The following OPCML variants were observed in gnomAD, a reference collection of about 807,000 sequenced individuals.
OPCML encodes opioid binding protein/cell adhesion molecule like, also known as opioid-binding protein/cell adhesion molecule.
Under a neutral mutation model 37.8 loss-of-function variants are expected in OPCML, and 13 were observed. The ratio of observed to expected loss-of-function variants is 0.34; its 90% CI spans 0.22 to 0.55. The LOEUF is 0.55. Among genes scored for constraint, OPCML ranks in the 20% least tolerant of loss-of-function variants. The pLI is 0.91. For missense variants in OPCML, 341 were observed against 435.6 expected, an observed-to-expected ratio of 0.78 and a Z score of 1.93; for synonymous variants, 176 against 168.8, an observed-to-expected ratio of 1.04 and a Z score of -0.33.
intron 1 of OPCML, among the ~76,000 whole-genome samples, chr11:133,345,629 T>G (rs2136680092): frequency 6.6e-6 from 1 of 152,376 alleles, no homozygotes; most frequent in African/African-American, 2.4e-5. Flanking sequence ...AATGTTCTTT[T>G]TTTGCACTAA....
At chr11:132,631,424 T>C (rs1362307188) in intron 3 of OPCML, among the ~76,000 whole-genome samples, 1 of 148,566 alleles carries the variant, frequency 6.7e-6, no homozygotes, top group East Asian at 2.0e-4. Flanking sequence ...CTCCCTAGGT[T>C]TTAGGAAATA....
chr11:132,566,024 C>G (rs1270220237), intron 3 of OPCML, among the ~76,000 whole-genome samples: 1 of 152,156 alleles, frequency 6.6e-6, no homozygotes, highest in African/African-American at 2.4e-5. Flanking sequence ...CAGAGCGAGA[C>G]TCCGTCTCAA....
intron 4 of OPCML, among the ~76,000 whole-genome samples, chr11:132,519,168 G>A (rs2096286694): frequency 1.3e-5 from 2 of 152,304 alleles, no homozygotes; most frequent in South Asian, 4.1e-4. Flanking sequence ...ATAATTGTTT[G>A]TTGTAAGATG....
intron 4 of OPCML, among the ~76,000 whole-genome samples, chr11:132,451,952 G>T (rs2096069370): frequency 6.6e-6 from 1 of 152,014 alleles, no homozygotes; most frequent in Non-Finnish European, 1.5e-5. Flanking sequence ...GGATTTCTGT[G>T]CGGTACAGAG....
At chr11:132,780,422 C>T (rs1205966138) in intron 2 of OPCML, among the ~76,000 whole-genome samples, 1 of 152,168 alleles carries the variant, frequency 6.6e-6, no homozygotes, top group Admixed American at 6.5e-5. Flanking sequence ...GGTTGTTTTT[C>T]TATTCCTCAG....
chr11:133,518,330 T>G (rs1396131773), intron 1 of OPCML, among the ~76,000 whole-genome samples: 3 of 149,812 alleles, frequency 2.0e-5, no homozygotes, highest in Non-Finnish European at 4.4e-5. Flanking sequence ...TAAGTGTGTG[T>G]GTGTGGGTGT....
At chr11:133,029,104 T>C (rs933690249) in intron 1 of OPCML, among the ~76,000 whole-genome samples, 5 of 152,094 alleles carry the variant, frequency 3.3e-5, no homozygotes, top group Non-Finnish European at 7.4e-5. Context: ...CCAACAAGCA[T>C]ATGAAAAAAT....
chr11:133,394,475 G>A (rs1312549470), intron 1 of OPCML, among the ~76,000 whole-genome samples: 1 of 152,068 alleles, frequency 6.6e-6, no homozygotes, highest in Non-Finnish European at 1.5e-5. Flanking sequence ...TAGTCACCTT[G>A]TTGTACTGTC....
At chr11:133,478,296 C>A (rs1398250786) in intron 1 of OPCML, among the ~76,000 whole-genome samples, 1 of 152,168 alleles carries the variant, frequency 6.6e-6, no homozygotes, top group Non-Finnish European at 1.5e-5. Context: ...CCCTGCCTCT[C>A]CCTCCAGCAC....
At chr11:133,442,878 A>G (rs1946393536) in intron 1 of OPCML, among the ~76,000 whole-genome samples, 1 of 152,172 alleles carries the variant, frequency 6.6e-6, no homozygotes, top group Admixed American at 6.5e-5. Flanking sequence ...ACTATTACCA[A>G]TGGGTCTTGC....
intron 1 of OPCML, among the ~76,000 whole-genome samples, chr11:133,195,776 T>C (rs1435934404): frequency 2.0e-5 from 3 of 152,242 alleles, no homozygotes; most frequent in African/African-American, 7.2e-5. Context: ...GGGACACATT[T>C]GTCTTCTTCA....
At chr11:132,597,846 G>A (rs1461516214) in intron 3 of OPCML, among the ~76,000 whole-genome samples, 1 of 152,122 alleles carries the variant, frequency 6.6e-6, no homozygotes, top group Non-Finnish European at 1.5e-5. Flanking sequence ...GTATGTATGC[G>A]TGTTGTTTAA....
At chr11:132,497,684 C>A (rs1277005625) in intron 4 of OPCML, among the ~76,000 whole-genome samples, 1 of 151,998 alleles carries the variant, frequency 6.6e-6, no homozygotes, top group African/African-American at 2.4e-5. Context: ...CAGAAAAGAG[C>A]CCTTTTGGTC....
At chr11:132,588,568 C>T (rs1012206389) in intron 3 of OPCML, among the ~76,000 whole-genome samples, 1 of 152,216 alleles carries the variant, frequency 6.6e-6, no homozygotes, top group Non-Finnish European at 1.5e-5. Context: ...GTGAGCAGCT[C>T]TGCTCCAGCC....
rs1949370898 is a variant in OPCML, at chr11:133,118,475, T to C, written c.62-175465A>G. The stretch of plus-strand genomic sequence containing the variant: ...ACTGAAAACTGGAAAGGAGACTGAA[T>C]GCCTCCATTTGGTCAAGGAGACAGG... On this transcript the variant is annotated intron_variant, in intron 1 of 7. Transcript: ENST00000524381. 8.6e-6 allele frequency: 8 copies of C among 924,920 alleles called. No homozygotes were observed. The South Asian group carries it at 4.0e-4, about 46-fold the overall frequency. 57.3% of individuals were successfully genotyped at this position (924,920 alleles called of 1,614,324 possible).
At chr11:133,303,294 T>C (rs1315913263) in intron 1 of OPCML, among the ~76,000 whole-genome samples, 1 of 152,154 alleles carries the variant, frequency 6.6e-6, no homozygotes, top group Non-Finnish European at 1.5e-5. Context: ...ACTTCAAAAG[T>C]ATTTAAGCAT....
Position 133,141,035 on chromosome 11 carries a change from ACG to A in OPCML, c.62-198027_62-198026del, listed in dbSNP as rs1949807712. Among the ~76,000 whole-genome samples, 7 of 30,106 alleles carry A rather than the reference ACG, an allele frequency of 2.3e-4. 1 individual carries two copies. Among genetic ancestry groups the A allele is most frequent in the African/African-American group, 4.4e-4 (7 of 15,864 alleles). 19.8% of individuals were successfully genotyped at this position (30,106 alleles called of 152,430 possible). A position where few individuals can be genotyped will look rare whatever the true frequency, so the allele number is the denominator to read the frequency against. On this transcript the variant is annotated intron_variant, in intron 1 of 7. Coordinates refer to ENST00000524381, the MANE Select transcript of OPCML (RefSeq NM_001012393.5). ...GACGACGACGACGACGACGACGACGACGACGACGACGACGAAGAAGAAGAAGA... is the reference window on the plus strand; with the variant it reads ...GACGACGACGACGACGACGACGACGAACGACGACGACGAAGAAGAAGAAGA...
intron 1 of OPCML, among the ~76,000 whole-genome samples, chr11:133,344,953 G>A (rs1943961661): frequency 6.6e-6 from 1 of 152,164 alleles, no homozygotes; most frequent in Admixed American, 6.5e-5. Flanking sequence ...CACGTCACAT[G>A]CGGAGATTCC....
At chr11:132,722,813 C>G (rs1175021183) in intron 2 of OPCML, among the ~76,000 whole-genome samples, 1 of 152,088 alleles carries the variant, frequency 6.6e-6, no homozygotes, top group Non-Finnish European at 1.5e-5. Context: ...GCCCTTGCAG[C>G]GAAAGGTGAA....
Sources: allele counts gnomAD v4.1 joint callset (sites outside exome capture counted in the v4.1 genomes callset), GRCh38; gene constraint gnomAD v4.1.1; transcripts MANE v1.5; gene names NCBI Gene and HGNC (gene_info 2026-07-23, HGNC 2026-07-21).